Variants in IFIT3 observed in about 807,000 individuals in gnomAD.
IFIT3 encodes the protein interferon induced protein with tetratricopeptide repeats 3, also known as interferon-induced protein with tetratricopeptide repeats 3.
In IFIT3, 2 loss-of-function variants were observed where a neutral mutation model predicts 2.4. That is an observed-to-expected ratio of 0.82 (90% CI 0.34 to 2.60). The LOEUF is 2.60. IFIT3 is among the 30% of genes most tolerant of loss of function. The pLI is 0.11. For missense variants in IFIT3, 481 were observed against 562.4 expected (o/e 0.86, Z 1.46); for synonymous variants, 203 against 212.1 (o/e 0.96, Z 0.37).
intron 1 of IFIT3, among the ~76,000 whole-genome samples, chr10:89,336,207 T>G (rs1308811098): frequency 3.1e-4 from 32 of 103,454 alleles, no homozygotes; most frequent in Admixed American, 3.2e-4. Context: ...AGAAGGAAAA[T>G]AGGGAGGGAG....
chr10:89,335,871 A>G (rs1250007626), intron 1 of IFIT3, among the ~76,000 whole-genome samples: 1 of 152,226 alleles, frequency 6.6e-6, no homozygotes, highest in Non-Finnish European at 1.5e-5. Flanking sequence ...TTGTTCAATT[A>G]TCATCGTTAT....
At chr10:89,334,637 C>T (rs12259768) in intron 1 of IFIT3, among the ~76,000 whole-genome samples, 9,302 of 151,160 alleles carry the variant, frequency 0.062, 694 homozygotes, top group African/African-American at 0.18. Context: ...GGATTACAGG[C>T]GCCTGCCACC....
intron 1 of IFIT3, among the ~76,000 whole-genome samples, chr10:89,336,088 C>A (rs780324688): frequency 7.9e-6 from 1 of 125,812 alleles, no homozygotes; most frequent in African/African-American, 3.0e-5. Context: ...CCACTCTGGG[C>A]AATATAGTGA....
At chr10:89,334,602 T>C (rs1231212201) in intron 1 of IFIT3, among the ~76,000 whole-genome samples, 3 of 148,000 alleles carry the variant, frequency 2.0e-5, no homozygotes, top group African/African-American at 5.0e-5. Context: ...TTCAAGCAAT[T>C]CTGCCTCGGC....
intron 1 of IFIT3, among the ~76,000 whole-genome samples, chr10:89,337,079 G>A (rs1843754147): frequency 6.6e-6 from 1 of 152,200 alleles, no homozygotes; most frequent in Non-Finnish European, 1.5e-5. Flanking sequence ...GTGTGGTGGG[G>A]AGACTACTTC....
rs1043557099 is a variant in IFIT3 at position 89,340,811 on chromosome 10, T to G, written c.*683T>G. ...CTCATCTCATTTTCATCCAGACTTC[T>G]GGAACTCAAAGATTAACTTTTGACT... On this transcript the variant is annotated 3_prime_UTR_variant, in exon 2 of 2. Transcript: ENST00000371818. The G allele has an allele frequency of 3.3e-5, 5 of 152,206 alleles. No homozygotes were observed. Among genetic ancestry groups the G allele is most frequent in the Admixed American group, 2.6e-4 (4 of 15,282 alleles). 9.4% of individuals were successfully genotyped at this position (152,206 alleles called of 1,614,324 possible).
rs1843848231 is a variant in IFIT3, at chr10:89,340,426, C to T, written c.*298C>T. The stretch of plus-strand genomic sequence containing the variant: ...ACAAAAAATTAGCCAGGCGTGGTGG[C>T]TGGCACCTGTAGTCCCAGCTACTTG... On this transcript the variant is annotated 3_prime_UTR_variant, in exon 2 of 2. Coordinates refer to ENST00000371818, the MANE Select transcript of IFIT3 (RefSeq NM_001549.6). The T allele has an allele frequency of 5.2e-6, 1 of 193,806 alleles. No individual in the cohort carries two copies. The highest frequency in any genetic ancestry group is 2.3e-5 in the African/African-American group (1 of 42,932). The allele number at this position is 193,806 out of a possible 1,614,324, so 12.0% of individuals were successfully genotyped here.
At chr10:89,334,406 T>C (rs1027093618) in intron 1 of IFIT3, among the ~76,000 whole-genome samples, 12 of 151,392 alleles carry the variant, frequency 7.9e-5, no homozygotes, top group African/African-American at 2.9e-4. Flanking sequence ...CAGATCCAGG[T>C]AGGACTGGCA....
chr10:89,330,044 C>T (rs989144937), intron 1 of IFIT3, among the ~76,000 whole-genome samples: 2 of 152,078 alleles, frequency 1.3e-5, no homozygotes, highest in African/African-American at 4.8e-5. Context: ...ATAATGTCAT[C>T]GGTTAAGGCA....
At position 89,340,752 on chromosome 10, in the gene IFIT3, T is replaced by C. The variant is rs1843858423; in HGVS notation, c.*624T>C. The C allele has an allele frequency of 6.6e-6, 1 of 152,162 alleles. No individual in the cohort carries two copies. Among genetic ancestry groups the C allele is most frequent in the African/African-American group, 2.4e-5 (1 of 41,430 alleles). The allele number at this position is 152,162 out of a possible 1,614,324, so 9.4% of individuals were successfully genotyped here. On this transcript the variant is annotated 3_prime_UTR_variant, in exon 2 of 2. Coordinates refer to ENST00000371818, the MANE Select transcript of IFIT3 (RefSeq NM_001549.6). ...TTCCTGCCCTCCCTGCCAAGGGTCA[T>C]AAATGGTGACTGCCTAACAACAAAA... is the stretch of plus-strand genomic sequence containing the variant.
intron 1 of IFIT3, among the ~76,000 whole-genome samples, chr10:89,334,338 G>A (rs1843695666): frequency 6.6e-6 from 1 of 151,914 alleles, no homozygotes; most frequent in African/African-American, 2.4e-5. Context: ...CCGAGGTCAT[G>A]GGAAATCTCT....
chr10:89,330,641 C>A (rs1178355034), intron 1 of IFIT3, among the ~76,000 whole-genome samples: 1 of 152,138 alleles, frequency 6.6e-6, no homozygotes, highest in African/African-American at 2.4e-5. Context: ...CATCCTAGGG[C>A]ATTTTAAGGA....
At position 89,338,707 on chromosome 10, in the gene IFIT3, T is replaced by C; in HGVS notation, c.52T>C (p.Cys18Arg). The change falls in exon 2 of 2, where the codon TGC becomes CGC. Residue 18 changes from cysteine (C) to arginine (R), a missense_variant. Cys to Arg is a radical substitution (Grantham distance 180). Transcript: ENST00000371818. ...SLEKILPQLK[C>R]HFTWNLFKED... Reference sequence around the variant, plus strand: ...GGAGAAAATCCTTCCACAGCTGAAATGCCATTTCACCTGGAACTTATTCAA... The same window carrying C: ...GGAGAAAATCCTTCCACAGCTGAAACGCCATTTCACCTGGAACTTATTCAA... The C allele has an allele frequency of 6.2e-7, 1 of 1,613,886 alleles. No individual in the cohort carries two copies. The highest frequency in any genetic ancestry group is 8.5e-7 in the Non-Finnish European group (1 of 1,179,818).
intron 1 of IFIT3, among the ~76,000 whole-genome samples, chr10:89,328,510 T>C: frequency 6.7e-6 from 1 of 150,280 alleles, no homozygotes; most frequent in South Asian, 2.1e-4. Flanking sequence ...ACAGGCTTTT[T>C]TTCTTGTAAT....
chr10:89,330,667 C>A (rs1018079410), intron 1 of IFIT3, among the ~76,000 whole-genome samples: 2 of 152,170 alleles, frequency 1.3e-5, no homozygotes, highest in Non-Finnish European at 2.9e-5. Context: ...GAATGAGGCT[C>A]AGTGATATGA....
chr10:89,339,648 A>C lies in IFIT3; in HGVS notation c.993A>C (p.Ala331=), dbSNP rs775154040. 5 of 1,614,216 alleles carry C rather than the reference A, an allele frequency of 3.1e-6. No homozygotes were observed. The highest frequency in any genetic ancestry group is 4.2e-6 in the Non-Finnish European group (5 of 1,180,034). Residue 331 remains alanine (A), a synonymous_variant, in exon 2 of 2, where the codon GCA becomes GCC. Transcript: ENST00000371818. The part of the protein sequence containing the change: ...ALEKGLNPLN[A]YSDLAEFLET... Reference sequence around the variant, plus strand: ...AGAAGGGACTGAATCCTCTGAATGCATACTCCGATCTCGCTGAGTTCCTGG... The same window carrying C: ...AGAAGGGACTGAATCCTCTGAATGCCTACTCCGATCTCGCTGAGTTCCTGG...
chr10:89,335,202 T>A (rs915649888), intron 1 of IFIT3: 4 of 152,196 alleles, frequency 2.6e-5, no homozygotes, highest in African/African-American at 9.7e-5. Context: ...GTGGGTTTTA[T>A]AATCATAAAG....
intron 1 of IFIT3, among the ~76,000 whole-genome samples, chr10:89,329,367 A>T (rs1843628287): frequency 6.6e-6 from 1 of 152,126 alleles, no homozygotes; most frequent in Non-Finnish European, 1.5e-5. Context: ...AGTGGGATTG[A>T]CCAGAGAGCA....
intron 1 of IFIT3, among the ~76,000 whole-genome samples, chr10:89,337,203 T>C (rs1006668839): frequency 1.3e-5 from 2 of 152,148 alleles, no homozygotes; most frequent in African/African-American, 2.4e-5. Flanking sequence ...TTTTATTTCT[T>C]TACATGTCTC....
Sources: allele counts gnomAD v4.1 joint callset (sites outside exome capture counted in the v4.1 genomes callset), GRCh38; gene constraint gnomAD v4.1.1; transcripts MANE v1.5; gene names NCBI Gene and HGNC (gene_info 2026-07-23, HGNC 2026-07-21).